CFAP77: variants seen among roughly 807,000 people sequenced by gnomAD.
CFAP77 encodes cilia and flagella associated protein 77.
In CFAP77, 25 loss-of-function variants were observed where a neutral mutation model predicts 31.1. That is an observed-to-expected ratio of 0.80 (90% CI 0.59 to 1.12). The LOEUF (loss-of-function observed/expected upper bound fraction) is 1.12, where lower values mean the gene tolerates loss of function less well. Among genes scored for constraint, CFAP77 ranks in the 50% most tolerant of loss-of-function variants. The probability of loss-of-function intolerance (pLI) is 0.00; values close to 1 mark genes in which losing one functional copy is unlikely to be tolerated. For synonymous variants in CFAP77, 151 were observed against 159.9 expected, an observed-to-expected ratio of 0.94 and a Z score of 0.42; for missense variants, 377 against 397.3, an observed-to-expected ratio of 0.95 and a Z score of 0.44.
At chr9:132,442,754 C>G in intron 1 of CFAP77, among the ~76,000 whole-genome samples, 1 of 151,450 alleles carries the variant, frequency 6.6e-6, no homozygotes. Context: ...ATTGCCCAGT[C>G]TGGTCTTAAA....
intron 5 of CFAP77, among the ~76,000 whole-genome samples, chr9:132,558,875 G>A (rs1852947706): frequency 6.6e-6 from 1 of 151,198 alleles, no homozygotes; most frequent in Non-Finnish European, 1.5e-5. Context: ...TTAGCCAGAC[G>A]TGATGGCACG....
chr9:132,512,722 A>G (rs1168067033), intron 3 of CFAP77, among the ~76,000 whole-genome samples: 3 of 152,158 alleles, frequency 2.0e-5, no homozygotes, highest in Non-Finnish European at 4.4e-5. Flanking sequence ...CGAGGCGGGC[A>G]GATCACCTAA....
At chr9:132,423,679 G>T (rs938296017) in intron 1 of CFAP77, among the ~76,000 whole-genome samples, 2 of 152,206 alleles carry the variant, frequency 1.3e-5, no homozygotes, top group Non-Finnish European at 2.9e-5. Flanking sequence ...GGCCATCACT[G>T]GTTGAGTACC....
chr9:132,428,370 C>A (rs1850351270), intron 1 of CFAP77, among the ~76,000 whole-genome samples: 1 of 152,062 alleles, frequency 6.6e-6, no homozygotes, highest in African/African-American at 2.4e-5. Context: ...CCTGTAATCC[C>A]AGCACTTTGG....
intron 3 of CFAP77, among the ~76,000 whole-genome samples, chr9:132,514,329 G>A (rs942512889): frequency 1.4e-4 from 20 of 144,540 alleles, no homozygotes; most frequent in Non-Finnish European, 2.2e-4. Context: ...CAAAGGATGG[G>A]TATCAATGAT....
intron 1 of CFAP77, among the ~76,000 whole-genome samples, chr9:132,482,826 T>C (rs1052932730): frequency 7.6e-6 from 1 of 131,110 alleles, no homozygotes; most frequent in Non-Finnish European, 1.6e-5. Flanking sequence ...GGGGGAGGGA[T>C]AGCATTAGGA....
intron 5 of CFAP77, among the ~76,000 whole-genome samples, chr9:132,566,078 C>T (rs1459406576): frequency 6.6e-6 from 1 of 152,192 alleles, no homozygotes; most frequent in African/African-American, 2.4e-5. Context: ...AGCTCTTCAT[C>T]CTTTGACTCC....
chr9:132,494,182 G>A (rs1399062241), intron 1 of CFAP77, among the ~76,000 whole-genome samples: 1 of 152,192 alleles, frequency 6.6e-6, no homozygotes, highest in Non-Finnish European at 1.5e-5. Context: ...AAAGGGCCGG[G>A]ATTACAGGCG....
chr9:132,540,018 G>A lies in CFAP77; in HGVS notation c.630+2312G>A, dbSNP rs570858650. Among the ~76,000 whole-genome samples the A allele has an allele frequency of 7.2e-5, 11 of 152,176 alleles. No individual in the cohort carries two copies. The East Asian group carries it at 1.2e-3, about 16-fold the overall frequency. Reference sequence around the variant, plus strand: ...GCAATCTCAACTCACTGCAACCTCCGCCTCCTGGGTTCAAGTGATTCTCCA... The same window carrying A: ...GCAATCTCAACTCACTGCAACCTCCACCTCCTGGGTTCAAGTGATTCTCCA... On this transcript the variant is annotated intron_variant, in intron 4 of 5. Coordinates refer to ENST00000393216, the MANE Select transcript of CFAP77 (RefSeq NM_001282957.2).
chr9:132,534,409 A>G (rs1218703736), intron 3 of CFAP77, among the ~76,000 whole-genome samples: 1 of 151,922 alleles, frequency 6.6e-6, no homozygotes, highest in Non-Finnish European at 1.5e-5. Flanking sequence ...TCAGGAGATC[A>G]AGACCATCCT....
chr9:132,561,661 A>ACACCC, intron 5 of CFAP77, among the ~76,000 whole-genome samples: 1 of 46,460 alleles, frequency 2.2e-5, no homozygotes, highest in East Asian at 4.2e-4. Flanking sequence ...ACACACACAC[A>ACACCC]CCCCCTCCAT....
At chr9:132,462,882 A>G (rs564452232) in intron 1 of CFAP77, among the ~76,000 whole-genome samples, 44 of 152,328 alleles carry the variant, frequency 2.9e-4, no homozygotes, top group African/African-American at 1.0e-3. Context: ...GTAAGTTTAT[A>G]TATATTTTAC....
At chr9:132,416,261 T>G (rs1157002391) in intron 1 of CFAP77, among the ~76,000 whole-genome samples, 1 of 151,342 alleles carries the variant, frequency 6.6e-6, no homozygotes, top group Non-Finnish European at 1.5e-5. Flanking sequence ...ACTCATCCAG[T>G]GTCTGGTTGA....
intron 3 of CFAP77, among the ~76,000 whole-genome samples, chr9:132,529,507 T>TAAAAAAAAAAAAAAAAAAAAAAAAAA (rs750691279): frequency 2.8e-5 from 3 of 108,830 alleles, no homozygotes; most frequent in African/African-American, 1.0e-4. Flanking sequence ...TAGAGTATAA[T>TAAAAAAAAAAAAAAAAAAAAAAAAAA]AAAAAAAAAA....
intron 3 of CFAP77, among the ~76,000 whole-genome samples, chr9:132,500,271 G>T (rs1257819710): frequency 6.6e-6 from 1 of 152,148 alleles, no homozygotes; most frequent in Admixed American, 6.5e-5. Context: ...TGGAGCCTGG[G>T]CTCAAACGTG....
At chr9:132,488,997 G>A (rs1386376410) in intron 1 of CFAP77, among the ~76,000 whole-genome samples, 1 of 152,178 alleles carries the variant, frequency 6.6e-6, no homozygotes, top group African/African-American at 2.4e-5. Flanking sequence ...ACTTTGTGAT[G>A]GAGGAAACTC....
intron 1 of CFAP77, among the ~76,000 whole-genome samples, chr9:132,469,050 T>C (rs923594643): frequency 2.7e-5 from 4 of 149,252 alleles, no homozygotes; most frequent in Admixed American, 6.8e-5. Context: ...CTTCCATCTT[T>C]ATAATGGAGC....
chr9:132,537,006 T>C (rs1852555083), intron 3 of CFAP77, among the ~76,000 whole-genome samples: 1 of 151,930 alleles, frequency 6.6e-6, no homozygotes, highest in South Asian at 2.1e-4. Flanking sequence ...TGATTAAAGG[T>C]GGTAAAGACA....
Position 132,499,467 on chromosome 9 carries a change from G to T in CFAP77, c.391G>T (p.Gly131Cys), listed in dbSNP as rs201351590. ...IAMNRGAVKA[G>C]LVTARENLLY... The stretch of plus-strand genomic sequence containing the variant: ...AATGAACCGCGGGGCGGTGAAAGCC[G>T]GCCTGGTGACTGCCCGGGAGAACTT... Residue 131 changes from glycine (G) to cysteine (C), a missense_variant, in exon 3 of 6, where the codon GGC (glycine) becomes TGC (cysteine). Coordinates refer to ENST00000393216, the MANE Select transcript of CFAP77 (RefSeq NM_001282957.2). This position sits in a 1 kb window ranked among gnomAD's most constrained non-coding sequence, Gnocchi z 5.4. The T allele has an allele frequency of 6.2e-7, 1 of 1,614,206 alleles. No homozygotes were observed. Among genetic ancestry groups the T allele is most frequent in the Non-Finnish European group, 8.5e-7 (1 of 1,180,044 alleles).
Sources: allele counts gnomAD v4.1 joint callset (sites outside exome capture counted in the v4.1 genomes callset), GRCh38; gene constraint gnomAD v4.1.1; non-coding constraint Gnocchi (gnomAD v3.1); transcripts MANE v1.5; gene names NCBI Gene and HGNC (gene_info 2026-07-23, HGNC 2026-07-21).